CEP85L: variants seen among roughly 807,000 people sequenced by gnomAD.
CEP85L encodes centrosomal protein 85L, also known as centrosomal protein of 85 kDa-like.
CEP85L carries 60 observed loss-of-function variants against 100.3 expected under a neutral mutation model. The ratio of observed to expected loss-of-function variants is 0.60; its 90% confidence interval spans 0.49 to 0.74. CEP85L has a LOEUF of 0.74. CEP85L is among the 30% of genes least tolerant of loss of function. The pLI is 0.00. For synonymous variants in CEP85L, 319 were observed against 322.7 expected (o/e 0.99, Z 0.12); for missense variants, 973 against 936.2 (o/e 1.04, Z -0.51).
At chr6:118,566,741 C>A (rs79108469) in intron 2 of CEP85L, among the ~76,000 whole-genome samples, 1 of 152,094 alleles carries the variant, frequency 6.6e-6, no homozygotes, top group Non-Finnish European at 1.5e-5. Flanking sequence ...TTCAAAAAGA[C>A]GTCCTCAAAA....
chr6:118,551,422 T>C (rs1392946596), intron 3 of CEP85L, among the ~76,000 whole-genome samples: 3 of 151,902 alleles, frequency 2.0e-5, no homozygotes, highest in Admixed American at 1.3e-4. Flanking sequence ...TTCTCAATAC[T>C]ACCTCCCCAT....
chr6:118,602,374 A>T (rs1030516465), intron 2 of CEP85L, among the ~76,000 whole-genome samples: 1 of 152,244 alleles, frequency 6.6e-6, no homozygotes, highest in African/African-American at 2.4e-5. Context: ...TATTCCAAGT[A>T]AACTAAACTA....
Position 118,622,762 on chromosome 6 carries a change from G to A in CEP85L, c.232+9691C>T, listed in dbSNP as rs117210918. Among the ~76,000 whole-genome samples, 806 of 152,340 alleles carry A rather than the reference G, an allele frequency of 5.3e-3. 3 individuals are homozygous for A. Among genetic ancestry groups the A allele is most frequent in the Non-Finnish European group, 9.5e-3 (648 of 68,018 alleles). The stretch of plus-strand genomic sequence containing the variant: ...CAAGGAAATCATGAAATTACTGCAC[G>A]CAGTGCAGAAACCCAAGAAGGCGGC... On this transcript the variant is annotated intron_variant, in intron 2 of 12. Coordinates refer to ENST00000368491, the MANE Select transcript of CEP85L (RefSeq NM_001042475.3).
chr6:118,687,128 T>C (rs1776860309), intron 1 of CEP85L, among the ~76,000 whole-genome samples: 1 of 152,208 alleles, frequency 6.6e-6, no homozygotes, highest in Non-Finnish European at 1.5e-5. Flanking sequence ...TTCATTTGAC[T>C]CAATCCTTCT....
chr6:118,535,366 C>T (rs536382270), intron 3 of CEP85L, among the ~76,000 whole-genome samples: 1 of 152,170 alleles, frequency 6.6e-6, no homozygotes, highest in Admixed American at 6.5e-5. Context: ...GGTTGCCAAG[C>T]GGGGTAGAGG....
At chr6:118,540,101 A>G (rs1224295428) in intron 3 of CEP85L, among the ~76,000 whole-genome samples, 1 of 150,972 alleles carries the variant, frequency 6.6e-6, no homozygotes, top group Non-Finnish European at 1.5e-5. Context: ...ACTGGCCTAT[A>G]GTACACAATT....
At chr6:118,495,707 C>T (rs1774875278) in intron 5 of CEP85L, among the ~76,000 whole-genome samples, 1 of 152,186 alleles carries the variant, frequency 6.6e-6, no homozygotes, top group Non-Finnish European at 1.5e-5. Flanking sequence ...TGCTGCCAAG[C>T]ACATTTGTCA....
At chr6:118,622,326 CAT>C (rs1237865651) in intron 2 of CEP85L, among the ~76,000 whole-genome samples, 3 of 152,224 alleles carry the variant, frequency 2.0e-5, no homozygotes, top group Non-Finnish European at 4.4e-5. Context: ...CAAATATGCA[CAT>C]GTGCAGCCCT....
At chr6:118,487,723 G>A (rs1023793548) in intron 6 of CEP85L, among the ~76,000 whole-genome samples, 3 of 152,182 alleles carry the variant, frequency 2.0e-5, no homozygotes, top group Non-Finnish European at 1.5e-5. Context: ...ACACTAATAG[G>A]ACCATGACAC....
intron 3 of CEP85L, among the ~76,000 whole-genome samples, chr6:118,556,030 T>A (rs1360958204): frequency 6.6e-6 from 1 of 152,232 alleles, no homozygotes; most frequent in Non-Finnish European, 1.5e-5. Context: ...ATGTACCACA[T>A]TTTCTTTATC....
rs202222184 is a variant in CEP85L, at chr6:118,523,880, T to G, written c.1061A>C (p.Tyr354Ser). ...TGATTCCCACTTACTGAAATCCTGA[T>G]AGCCAGGTGAATAACTTTGACGAGA... ...GSSRQSYSPG[Y>S]QDFSKWESML... Residue 354 changes from tyrosine to serine, a missense_variant, in exon 4 of 13, where the codon TAT becomes TCT. By Grantham distance (144) the Tyr-to-Ser change is moderately radical. This residue lies in a region of CEP85L where 890 missense variants were observed against 844.5 expected (regional missense o/e 1.05). Transcript: ENST00000368491. 13 of 1,608,482 alleles carry G rather than the reference T, an allele frequency of 8.1e-6. No homozygotes were observed. The highest frequency in any genetic ancestry group is 6.7e-5 in the Admixed American group (4 of 59,816).
intron 8 of CEP85L, among the ~76,000 whole-genome samples, chr6:118,481,479 CAA>C (rs1469887473): frequency 9.9e-5 from 15 of 151,856 alleles, no homozygotes; most frequent in African/African-American, 3.6e-4. Flanking sequence ...TGTCAAAATC[CAA>C]AACTTTTTGA....
chr6:118,630,522 T>G (rs1432085165), intron 2 of CEP85L, among the ~76,000 whole-genome samples: 1 of 152,198 alleles, frequency 6.6e-6, no homozygotes, highest in Non-Finnish European at 1.5e-5. Context: ...TGCCAAAACC[T>G]GGAAACAACC....
At chr6:118,567,177 A>G (rs9688457) in intron 2 of CEP85L, among the ~76,000 whole-genome samples, 2 of 148,714 alleles carry the variant, frequency 1.3e-5, no homozygotes, top group South Asian at 2.1e-4. Context: ...GCATATATAT[A>G]TGTGTGTACA....
chr6:118,540,689 G>A (rs1261653899), intron 3 of CEP85L, among the ~76,000 whole-genome samples: 7 of 151,850 alleles, frequency 4.6e-5, no homozygotes, highest in Admixed American at 2.6e-4. Context: ...CCTGGGAGGC[G>A]AAGCTTGCAG....
upstream of CEP85L, among the ~76,000 whole-genome samples, chr6:118,654,359 A>G (rs1011386781): frequency 6.6e-6 from 1 of 152,228 alleles, no homozygotes; most frequent in Non-Finnish European, 1.5e-5. Flanking sequence ...TTACAAAAAT[A>G]TAAAATATAT....
At chr6:118,497,095 C>T (rs1024420494) in intron 5 of CEP85L, among the ~76,000 whole-genome samples, 1 of 152,152 alleles carries the variant, frequency 6.6e-6, no homozygotes, top group African/African-American at 2.4e-5. Context: ...AAATGGATAG[C>T]GACCCACTTG....
intron 12 of CEP85L, among the ~76,000 whole-genome samples, chr6:118,467,828 C>T (rs992321341): frequency 9.9e-5 from 15 of 152,180 alleles, no homozygotes; most frequent in African/African-American, 3.1e-4. Context: ...CGTCTGAGAG[C>T]GACACTGAAC....
At chr6:118,504,502 C>T (rs754449063) in intron 5 of CEP85L, among the ~76,000 whole-genome samples, 7 of 152,140 alleles carry the variant, frequency 4.6e-5, no homozygotes, top group Non-Finnish European at 1.0e-4. Context: ...GGTGGCACCC[C>T]TGGAGATGGC....
Sources: gnomAD v4.1 joint callset for allele counts (sites outside exome capture counted in the v4.1 genomes callset) on GRCh38, gnomAD v4.1.1 for gene constraint, gnomAD v4.1.1 regional missense constraint, MANE v1.5 for transcripts, NCBI Gene and HGNC (gene_info 2026-07-23, HGNC 2026-07-21) for gene names.